ABLIM3: variants seen among roughly 807,000 people sequenced by gnomAD.
ABLIM3 encodes the protein actin binding LIM protein family member 3, also known as actin-binding LIM protein 3.
In ABLIM3, 61 loss-of-function variants were observed where a neutral mutation model predicts 109.5. The observed-to-expected ratio is 0.56, with a 90% CI of 0.45 to 0.69. ABLIM3 has a LOEUF of 0.69. Among genes scored for constraint, ABLIM3 ranks in the 30% least tolerant of loss-of-function variants. ABLIM3 has a pLI of 0.00. For synonymous variants in ABLIM3, 300 were observed against 324.8 expected (o/e 0.92, Z 0.82); for missense variants, 796 against 889.5 (o/e 0.89, Z 1.34).
chr5:149,255,862 CT>C (rs537724398), intron 23 of ABLIM3, among the ~76,000 whole-genome samples: 8 of 152,276 alleles, frequency 5.3e-5, no homozygotes, highest in Non-Finnish European at 1.0e-4. Context: ...AGACTGAGTG[CT>C]TTCTGTGTGC....
chr5:149,197,970 A>G (rs1347788022), intron 3 of ABLIM3, among the ~76,000 whole-genome samples: 1 of 152,002 alleles, frequency 6.6e-6, no homozygotes, highest in South Asian at 2.1e-4. Context: ...GGTGATACTG[A>G]TGCTAGTGGC....
At chr5:149,205,409 A>C (rs1182862137) in intron 5 of ABLIM3, among the ~76,000 whole-genome samples, 5 of 152,164 alleles carry the variant, frequency 3.3e-5, no homozygotes, top group African/African-American at 7.2e-5. Context: ...GTGAACTCCA[A>C]ACCCCTATGG....
intron 18 of ABLIM3, among the ~76,000 whole-genome samples, chr5:149,248,243 C>A (rs1215777119): frequency 6.6e-6 from 1 of 152,232 alleles, no homozygotes; most frequent in South Asian, 2.1e-4. Flanking sequence ...GCCCCAAACC[C>A]TGCAATGCCC....
intron 2 of ABLIM3, among the ~76,000 whole-genome samples, chr5:149,156,704 G>A (rs1398541864): frequency 6.6e-6 from 1 of 152,198 alleles, no homozygotes; most frequent in Non-Finnish European, 1.5e-5. Context: ...ATGAATGTTG[G>A]AGAGGGCAAT....
chr5:149,239,352 C>G (rs1752557377), intron 12 of ABLIM3, 75 bp downstream of exon 12: 2 of 1,523,624 alleles, frequency 1.3e-6, no homozygotes, highest in Non-Finnish European at 1.8e-6. Context: ...TCCCCAGCCC[C>G]CCGAAGGTGT....
intron 2 of ABLIM3, among the ~76,000 whole-genome samples, chr5:149,173,707 G>T (rs1214321673): frequency 3.3e-5 from 5 of 152,092 alleles, no homozygotes; most frequent in African/African-American, 1.2e-4. Flanking sequence ...AGAGAAGCTG[G>T]CCAGGGGTAA....
intron 13 of ABLIM3, 65 bp from the exon 14 acceptor site, chr5:149,240,610 AC>A: frequency 1.5e-6 from 2 of 1,303,072 alleles, no homozygotes; most frequent in South Asian, 2.4e-5. Context: ...CTAAACTGCC[AC>A]CGCGTTAATG....
At chr5:149,225,974 GTGTGTGTGTATA>G (rs1195225333) in intron 8 of ABLIM3, among the ~76,000 whole-genome samples, 251 of 92,092 alleles carry the variant, frequency 2.7e-3, no homozygotes, top group Non-Finnish European at 3.7e-3. Context: ...GTGTGTGTGT[GTGTGTGTGTATA>G]TATATATATA....
At chr5:149,216,767 C>T (rs1467642075) in intron 7 of ABLIM3, 192 bp from the exon 8 acceptor site, 1 of 586,348 alleles carries the variant, frequency 1.7e-6, no homozygotes, top group Non-Finnish European at 3.1e-6. Context: ...ATCAGGGATC[C>T]ATGGAGTGAA....
At chr5:149,194,537 C>G (rs951980457) in intron 3 of ABLIM3, among the ~76,000 whole-genome samples, 1 of 152,158 alleles carries the variant, frequency 6.6e-6, no homozygotes, top group Non-Finnish European at 1.5e-5. Context: ...GCTCAAATGC[C>G]CTTCAGCAGT....
At chr5:149,153,801 C>G (rs1188426831) in intron 2 of ABLIM3, among the ~76,000 whole-genome samples, 2 of 152,186 alleles carry the variant, frequency 1.3e-5, no homozygotes, top group Non-Finnish European at 2.9e-5. Flanking sequence ...CCCTAAACAT[C>G]TCTTAGGCCT....
chr5:149,230,900 A>T (rs535072984), intron 9 of ABLIM3, among the ~76,000 whole-genome samples, 193 bp downstream of exon 9: 2 of 152,188 alleles, frequency 1.3e-5, no homozygotes, highest in African/African-American at 4.8e-5. Context: ...GACATCGGAT[A>T]TGAAAGCACT....
chr5:149,259,549 A>G lies in ABLIM3; in HGVS notation c.*1145A>G. The G allele has an allele frequency of 6.5e-7, 1 of 1,536,314 alleles. No homozygotes were observed. The highest frequency in any genetic ancestry group is 8.7e-7 in the Non-Finnish European group (1 of 1,146,948). Reference sequence around the variant, plus strand: ...CAAAGTTGGCCATGTTTCACAGGGAAACTTTTGGAAGAGTGGCTGCTTATG... The same window carrying G: ...CAAAGTTGGCCATGTTTCACAGGGAGACTTTTGGAAGAGTGGCTGCTTATG... On this transcript the variant is annotated 3_prime_UTR_variant, in exon 24 of 24. Transcript: ENST00000309868.
chr5:149,245,036 T>C, intron 16 of ABLIM3, 21 bp downstream of exon 16: 1 of 1,614,146 alleles, frequency 6.2e-7, no homozygotes. Context: ...CATAGGAGCC[T>C]GGGTCCAGGG....
intron 12 of ABLIM3, 41 bp downstream of exon 12, chr5:149,239,318 G>A: frequency 6.2e-7 from 1 of 1,604,928 alleles, no homozygotes; most frequent in Non-Finnish European, 8.5e-7. Flanking sequence ...ATATAATTGT[G>A]CCCCTTTATG....
Position 149,237,543 on chromosome 5 carries a change from C to G in ABLIM3, c.984C>G (p.Ser328=). The change falls in exon 11 of 24, where the codon TCC becomes TCG. Residue 328 remains serine, a synonymous_variant. Coordinates refer to ENST00000309868, the MANE Select transcript of ABLIM3 (RefSeq NM_014945.5). The part of the protein sequence containing the change: ...IYEVQRPDLI[S]YEPHSRYMSD... ...AGGTACAACGCCCCGACCTCATTTC[C>G]TATGAGCCTCATTCCAGATACATGT... The G allele has an allele frequency of 6.2e-7, 1 of 1,614,210 alleles. No homozygotes were observed. The highest frequency in any genetic ancestry group is 8.5e-7 in the Non-Finnish European group (1 of 1,180,038).
chr5:149,157,594 G>C (rs2127442325), intron 2 of ABLIM3, among the ~76,000 whole-genome samples: 1 of 141,294 alleles, frequency 7.1e-6, no homozygotes, highest in Admixed American at 7.9e-5. Flanking sequence ...ACAAGGATTT[G>C]CTCATCAGTG....
chr5:149,206,914 G>T (rs1012742495), intron 5 of ABLIM3, 94 bp from the exon 6 acceptor site: 2 of 1,511,562 alleles, frequency 1.3e-6, no homozygotes, highest in Non-Finnish European at 1.8e-6. Flanking sequence ...GGGAACACTG[G>T]CATTCAGGGA....
In ABLIM3 at chr5:149,239,919, G is replaced by A. The variant is rs73795953; in HGVS notation, c.1204+31G>A. The A allele has an allele frequency of 2.7e-4, 426 of 1,580,342 alleles. 3 individuals carry two copies. The African/African-American group carries it at 5.0e-3, about 19-fold the overall frequency. On this transcript the variant is annotated intron_variant, in intron 13 of 23. Coordinates refer to ENST00000309868, the MANE Select transcript of ABLIM3 (RefSeq NM_014945.5). ...GAAGGGGGAGGACCTGAAGGGAGAG[G>A]AAGAGCCAGGGAGACAATGCAGTCA...
Sources: gnomAD v4.1 joint callset for allele counts (sites outside exome capture counted in the v4.1 genomes callset) on GRCh38, gnomAD v4.1.1 for gene constraint, MANE v1.5 for transcripts, NCBI Gene and HGNC (gene_info 2026-07-23, HGNC 2026-07-21) for gene names.